Variants in BLTP3B observed in about 807,000 individuals in gnomAD.
The protein encoded by BLTP3B is bridge-like lipid transfer protein family member 3B, also known as UHRF1 (ICBP90) binding protein 1-like.
the BLTP3B span, chr12:100,058,683 C>G: frequency 6.2e-7 from 1 of 1,613,904 alleles, no homozygotes; most frequent in Non-Finnish European, 8.5e-7. Flanking sequence ...TTCTGCACTT[C>G]TAAGTAAAAT....
At chr12:100,042,622 C>A in the BLTP3B span, among the ~76,000 whole-genome samples, 3 of 152,224 alleles carry the variant, frequency 2.0e-5, no homozygotes, top group East Asian at 3.9e-4. Flanking sequence ...TACAGGACAT[C>A]CAAAGCACAG....
At chr12:100,093,668 C>A in the BLTP3B span, among the ~76,000 whole-genome samples, 1 of 152,066 alleles carries the variant, frequency 6.6e-6, no homozygotes, top group Non-Finnish European at 1.5e-5. Flanking sequence ...AAGGGAAAAC[C>A]AGCCTGACAT....
At chr12:100,072,916 C>G in the BLTP3B span, 1 of 1,276,090 alleles carries the variant, frequency 7.8e-7, no homozygotes, top group South Asian at 1.6e-5. Flanking sequence ...CAAAACTTTG[C>G]TAATGGTTAA....
At chr12:100,066,873 C>A in the BLTP3B span, among the ~76,000 whole-genome samples, 1 of 151,552 alleles carries the variant, frequency 6.6e-6, no homozygotes, top group African/African-American at 2.4e-5. Flanking sequence ...CATTCAACAA[C>A]TGCAGAATAT....
the BLTP3B span, chr12:100,072,634 TCAAATAATGGA>T: frequency 2.1e-6 from 3 of 1,431,952 alleles, no homozygotes; most frequent in Non-Finnish European, 2.8e-6. Flanking sequence ...AAATACTTTC[TCAAATAATGGA>T]CAAATAATAA....
At chr12:100,129,905 A>G in the BLTP3B span, among the ~76,000 whole-genome samples, 5 of 152,244 alleles carry the variant, frequency 3.3e-5, no homozygotes, top group Admixed American at 6.5e-5. Context: ...GCTCTAGTCC[A>G]GGAAAATAGA....
At chr12:100,140,876 C>G in the BLTP3B span, among the ~76,000 whole-genome samples, 1 of 150,766 alleles carries the variant, frequency 6.6e-6, no homozygotes, top group Non-Finnish European at 1.5e-5. Context: ...TATGCATGCT[C>G]TTAATTTTTA....
At chr12:100,124,934 TTTTATATATATATATATA>T in the BLTP3B span, among the ~76,000 whole-genome samples, 114 of 36,984 alleles carry the variant, frequency 3.1e-3, 1 homozygote, top group East Asian at 0.011. Context: ...AAAAAAAAAA[TTTTATATATATATATATA>T]TATATATATA....
the BLTP3B span, among the ~76,000 whole-genome samples, chr12:100,066,410 C>T: frequency 6.6e-6 from 1 of 152,004 alleles, no homozygotes. Flanking sequence ...AGATAGATAG[C>T]AACACAATAA....
At chr12:100,045,095 A>G in the BLTP3B span, among the ~76,000 whole-genome samples, 1 of 152,222 alleles carries the variant, frequency 6.6e-6, no homozygotes, top group Admixed American at 6.5e-5. Flanking sequence ...CAATTAAATA[A>G]AAGAGGACAC....
At chr12:100,099,064 C>G in the BLTP3B span, among the ~76,000 whole-genome samples, 1 of 151,724 alleles carries the variant, frequency 6.6e-6, no homozygotes, top group Non-Finnish European at 1.5e-5. Flanking sequence ...ATGATCTCAG[C>G]TCACTGCAAC....
the BLTP3B span, among the ~76,000 whole-genome samples, chr12:100,113,703 A>C: frequency 2.0e-5 from 3 of 152,084 alleles, no homozygotes; most frequent in African/African-American, 7.2e-5. Context: ...CAGGCCTCTA[A>C]TCCCAGCACT....
At chr12:100,076,626 T>C in the BLTP3B span, among the ~76,000 whole-genome samples, 1 of 152,192 alleles carries the variant, frequency 6.6e-6, no homozygotes, top group African/African-American at 2.4e-5. Context: ...ACTCCTGACC[T>C]CAAGTGATCC....
At chr12:100,104,526 C>CT in the BLTP3B span, among the ~76,000 whole-genome samples, 422 of 146,604 alleles carry the variant, frequency 2.9e-3, 1 homozygote, top group Non-Finnish European at 4.2e-3. Flanking sequence ...TTTTAAGTAT[C>CT]TTTTTTTTTT....
the BLTP3B span, among the ~76,000 whole-genome samples, chr12:100,067,670 A>G: frequency 1.3e-5 from 2 of 152,186 alleles, no homozygotes; most frequent in Admixed American, 6.5e-5. Flanking sequence ...ACCAATAACA[A>G]GCAGCCAAAC....
the BLTP3B span, chr12:100,051,158 T>A: frequency 1.9e-6 from 3 of 1,614,148 alleles, no homozygotes; most frequent in South Asian, 3.3e-5. Context: ...ATTCTGTAGG[T>A]TTGCACCAGC....
chr12:100,071,004 C>A, the BLTP3B span, among the ~76,000 whole-genome samples: 1 of 151,768 alleles, frequency 6.6e-6, no homozygotes, highest in South Asian at 2.1e-4. Context: ...GAAAAAAAAA[C>A]AACATATATT....
chr12:100,064,766 A>G, the BLTP3B span, among the ~76,000 whole-genome samples: 7 of 152,270 alleles, frequency 4.6e-5, no homozygotes, highest in South Asian at 1.5e-3. Flanking sequence ...TCAAGCCACC[A>G]CTACGAGAAC....
chr12:100,048,762 G>GAGA, the BLTP3B span, among the ~76,000 whole-genome samples: 1 of 127,550 alleles, frequency 7.8e-6, no homozygotes, highest in Non-Finnish European at 1.6e-5. Flanking sequence ...GAGAGAGAGA[G>GAGA]TGAGAGTGAG....
Sources: gnomAD v4.1 joint callset for allele counts (sites outside exome capture counted in the v4.1 genomes callset) on GRCh38, gnomAD v4.1.1 for gene constraint, MANE v1.5 for transcripts, NCBI Gene and HGNC (gene_info 2026-07-23, HGNC 2026-07-21) for gene names.